The following RXRA variants were observed in gnomAD, a reference collection of about 807,000 sequenced individuals.
RXRA encodes the protein retinoic acid receptor RXR-alpha.
Under a neutral mutation model 44.5 loss-of-function variants are expected in RXRA, and 5 were observed. The ratio of observed to expected loss-of-function variants is 0.11; its 90% CI spans 0.06 to 0.24. RXRA has a LOEUF of 0.24. RXRA is among the 10% of genes least tolerant of loss of function. The probability of loss-of-function intolerance (pLI) is 1.00; values close to 1 mark genes in which losing one functional copy is unlikely to be tolerated. For synonymous variants in RXRA, 291 were observed against 271.4 expected (o/e 1.07, Z -0.71); for missense variants, 412 against 646.5 (o/e 0.64, Z 3.93).
At chr9:134,425,722 G>A in intron 6 of RXRA, 4 of 985,374 alleles carry the variant, frequency 4.1e-6, no homozygotes, top group Non-Finnish European at 3.6e-6. Context: ...TCTGGCCCCA[G>A]AACACAGGGT....
intron 1 of RXRA, among the ~76,000 whole-genome samples, chr9:134,331,250 C>A (rs1835000565): frequency 6.6e-6 from 1 of 152,246 alleles, no homozygotes; most frequent in Non-Finnish European, 1.5e-5. Flanking sequence ...ATGTTCTGAG[C>A]AGTTGTGCCC....
chr9:134,430,970 G>A (rs552747924), intron 7 of RXRA, among the ~76,000 whole-genome samples: 33 of 152,280 alleles, frequency 2.2e-4, no homozygotes, highest in Non-Finnish European at 4.6e-4. Flanking sequence ...AGCAGACATC[G>A]GGGGTCCCTC....
At chr9:134,389,559 G>A (rs1170717868) in intron 1 of RXRA, among the ~76,000 whole-genome samples, 4 of 152,082 alleles carry the variant, frequency 2.6e-5, no homozygotes, top group African/African-American at 7.2e-5. Context: ...TTTTGGGGGT[G>A]TAATAGGGAG....
chr9:134,345,853 C>T (rs1830144604), intron 1 of RXRA, among the ~76,000 whole-genome samples: 1 of 152,202 alleles, frequency 6.6e-6, no homozygotes, highest in Admixed American at 6.5e-5. Context: ...GTTCCCGGCA[C>T]AGATGAACAT....
At chr9:134,411,825 C>A (rs1196063902) in intron 4 of RXRA, among the ~76,000 whole-genome samples, 1 of 152,204 alleles carries the variant, frequency 6.6e-6, no homozygotes, top group Non-Finnish European at 1.5e-5. Context: ...CAGTGCCTCT[C>A]CTTGTGCACA....
intron 2 of RXRA, chr9:134,403,426 G>A (rs1830995873): frequency 6.6e-6 from 1 of 152,310 alleles, no homozygotes; most frequent in South Asian, 2.1e-4. Flanking sequence ...CCCTGCTCTT[G>A]TTGGCAGCAT....
intron 1 of RXRA, among the ~76,000 whole-genome samples, chr9:134,345,470 A>G (rs34998208): frequency 6.0e-4 from 91 of 152,244 alleles, no homozygotes; most frequent in Non-Finnish European, 9.6e-4. Flanking sequence ...GGGGTTGGAG[A>G]AGCCTCAGCC....
intron 1 of RXRA, among the ~76,000 whole-genome samples, chr9:134,391,164 GC>G (rs1024066869): frequency 3.3e-5 from 5 of 152,200 alleles, no homozygotes; most frequent in Non-Finnish European, 7.4e-5. Context: ...CCCAGGACAT[GC>G]CTGGGGGAGC....
At chr9:134,340,763 C>T (rs549549168) in intron 1 of RXRA, among the ~76,000 whole-genome samples, 2 of 152,300 alleles carry the variant, frequency 1.3e-5, no homozygotes, top group African/African-American at 4.8e-5. Context: ...CCCTGGCCCT[C>T]TAGCTGGGGT....
intron 1 of RXRA, among the ~76,000 whole-genome samples, chr9:134,383,250 A>G (rs999352265): frequency 6.6e-6 from 1 of 152,106 alleles, no homozygotes; most frequent in African/African-American, 2.4e-5. Context: ...TGTCTCACTG[A>G]TGAGCCATGT....
chr9:134,378,663 C>T (rs1484051602), intron 1 of RXRA, among the ~76,000 whole-genome samples: 5 of 152,206 alleles, frequency 3.3e-5, no homozygotes, highest in Non-Finnish European at 5.9e-5. Context: ...GGGTCGGCCG[C>T]TCAGAGTCAC....
chr9:134,421,993 G>GACACTCCCCCTTCCCGGAAC, intron 6 of RXRA, 188 bp downstream of exon 6: 1 of 1,477,936 alleles, frequency 6.8e-7, no homozygotes, highest in Non-Finnish European at 9.0e-7. Context: ...TACCTCCCGG[G>GACACTCCCCCTTCCCGGAAC]ACACTCCCCC....
intron 1 of RXRA, among the ~76,000 whole-genome samples, chr9:134,377,783 G>C (rs894108179): frequency 1.3e-5 from 2 of 152,122 alleles, no homozygotes; most frequent in East Asian, 1.9e-4. Context: ...TCATACCCTC[G>C]TGCTCTGCAG....
chr9:134,332,301 G>C (rs1358958965), intron 1 of RXRA, among the ~76,000 whole-genome samples: 2 of 152,166 alleles, frequency 1.3e-5, no homozygotes, highest in African/African-American at 4.8e-5. Flanking sequence ...GGACCCCCGG[G>C]TCCCAGGGCA....
chr9:134,433,207 C>G lies in RXRA; in HGVS notation c.1136-895C>G, dbSNP rs1434770548. On this transcript the variant is annotated intron_variant, in intron 8 of 9. Transcript: ENST00000481739. This position sits in a 1 kb window ranked among gnomAD's most constrained non-coding sequence, Gnocchi z 4.2. The stretch of plus-strand genomic sequence containing the variant: ...CCAGGCTGTGCATCCGGGCCGTAAT[C>G]CTGCCAGCTCGGAGGCTGAGTCATG... Among the ~76,000 whole-genome samples the G allele has an allele frequency of 6.6e-6, 1 of 152,166 alleles. No homozygotes were observed. Among genetic ancestry groups the G allele is most frequent in the Non-Finnish European group, 1.5e-5 (1 of 68,028 alleles).
rs370094299 is a variant in RXRA, at chr9:134,339,815, C to CTG, written c.28+13173_28+13174dup. 5.3e-3 allele frequency among the ~76,000 whole-genome samples: 720 copies of CTG among 136,764 alleles called. 5 individuals are homozygous for CTG. Among genetic ancestry groups the CTG allele is most frequent in the East Asian group, 0.017 (74 of 4,304 alleles). The allele number at this position is 136,764 out of a possible 152,430, so 89.7% of individuals were successfully genotyped here. On this transcript the variant is annotated intron_variant, in intron 1 of 9. Transcript: ENST00000481739. ...TGTGTATGAGTCTGTGTGTAAGCCT[C>CTG]TGTGTGTGTGTGTGTGTGAGTCTGT...
intron 4 of RXRA, among the ~76,000 whole-genome samples, chr9:134,414,808 G>A (rs1432915315): frequency 2.0e-5 from 3 of 152,244 alleles, no homozygotes; most frequent in Non-Finnish European, 4.4e-5. Flanking sequence ...GCTGAGATCT[G>A]CGTGTGCGGG....
rs913094091 is a variant in RXRA at position 134,436,451 on chromosome 9, G to T, written c.1242-16G>T. The stretch of plus-strand genomic sequence containing the variant: ...CATGCCCCTTGCCCGGCCCTCACCA[G>T]ACCTGTTCCCTGCAGGTTCGCTAAG... On this transcript the variant is annotated splice_polypyrimidine_tract_variant and intron_variant, in intron 9 of 9. Transcript: ENST00000481739. 6.2e-7 allele frequency: 1 copy of T among 1,613,358 alleles called. No individual in the cohort carries two copies. The highest frequency in any genetic ancestry group is 8.5e-7 in the Non-Finnish European group (1 of 1,179,834).
At chr9:134,386,198 C>A (rs1162258400) in intron 1 of RXRA, among the ~76,000 whole-genome samples, 1 of 152,262 alleles carries the variant, frequency 6.6e-6, no homozygotes, top group Non-Finnish European at 1.5e-5. Context: ...CTCCCTCAGG[C>A]CCCTTCCTGC....
Sources: allele counts gnomAD v4.1 joint callset (sites outside exome capture counted in the v4.1 genomes callset), GRCh38; gene constraint gnomAD v4.1.1; non-coding constraint Gnocchi (gnomAD v3.1); transcripts MANE v1.5; gene names NCBI Gene and HGNC (gene_info 2026-07-23, HGNC 2026-07-21).